EZH1: variants seen among roughly 807,000 people sequenced by gnomAD.
EZH1 encodes enhancer of zeste 1 polycomb repressive complex 2 subunit, also known as histone-lysine N-methyltransferase EZH1.
EZH1 carries 33 observed loss-of-function variants against 100.5 expected under a neutral mutation model. That is an observed-to-expected ratio of 0.33 (90% CI 0.25 to 0.44). The LOEUF is 0.44. Ranked by LOEUF, EZH1 falls within the 20% of genes least tolerant of loss-of-function variation. The probability of loss-of-function intolerance (pLI) is 1.00; values close to 1 mark genes in which losing one functional copy is unlikely to be tolerated. For synonymous variants in EZH1, 272 were observed against 313.8 expected (o/e 0.87, Z 1.41); for missense variants, 475 against 928.4 (o/e 0.51, Z 6.35).
chr17:42,723,162 G>C (rs376572650), intron 5 of EZH1, among the ~76,000 whole-genome samples: 3 of 152,162 alleles, frequency 2.0e-5, no homozygotes, highest in Non-Finnish European at 4.4e-5. Context: ...GGATCATGAG[G>C]TCAGGAGATC....
intron 7 of EZH1, among the ~76,000 whole-genome samples, chr17:42,719,772 A>G (rs1367535058): frequency 6.6e-6 from 1 of 152,128 alleles, no homozygotes; most frequent in Non-Finnish European, 1.5e-5. Context: ...AAAAATAAAA[A>G]TAAGAATTTG....
chr17:42,706,155 T>C lies in EZH1; in HGVS notation c.1691A>G (p.Lys564Arg). Residue 564 changes from lysine (K) to arginine (R), a missense_variant, in exon 16 of 21, where the codon AAG (lysine) becomes AGG (arginine). Coordinates refer to ENST00000428826, the MANE Select transcript of EZH1 (RefSeq NM_001991.5). This position sits in a 1 kb window ranked among gnomAD's most constrained non-coding sequence, Gnocchi z 4.4. ...ACATTGCTTGGTATTGCACTGGGTC[T>C]TACAGCGACAGCCAGGGAAACGATT... Reference protein sequence around the residue: ...CQNRFPGCRCKTQCNTKQCPC... With the variant: ...CQNRFPGCRCRTQCNTKQCPC... The C allele has an allele frequency of 6.2e-7, 1 of 1,612,538 alleles. No homozygotes were observed. The highest frequency in any genetic ancestry group is 8.5e-7 in the Non-Finnish European group (1 of 1,179,088).
chr17:42,712,780 G>A (rs1232034483), intron 11 of EZH1, among the ~76,000 whole-genome samples: 3 of 152,202 alleles, frequency 2.0e-5, no homozygotes, highest in Admixed American at 6.5e-5. Flanking sequence ...GCTCACGCCT[G>A]TAATCCCAGC....
At chr17:42,704,820 G>A in intron 17 of EZH1, 137 bp from the exon 18 acceptor site, 1 of 728,118 alleles carries the variant, frequency 1.4e-6, no homozygotes, top group East Asian at 2.7e-5. Flanking sequence ...AAGAGAGCAA[G>A]TTCAAGTTAT....
intron 1 of EZH1, among the ~76,000 whole-genome samples, chr17:42,741,939 C>T (rs1408529342): frequency 3.3e-5 from 5 of 152,116 alleles, no homozygotes; most frequent in South Asian, 2.1e-4. Flanking sequence ...GATTCGCCCA[C>T]CTCGGCCTCC....
Position 42,712,576 on chromosome 17 carries a change from T to C in EZH1, c.1205-91A>G, listed in dbSNP as rs931356406. On this transcript the variant is annotated intron_variant, in intron 11 of 20. Coordinates refer to ENST00000428826, the MANE Select transcript of EZH1 (RefSeq NM_001991.5). Reference sequence around the variant, plus strand: ...CAAACTCAGAAGTACTTCATTCTACTTTAAAAGGTAGAACAGTTAGGAATG... The same window carrying C: ...CAAACTCAGAAGTACTTCATTCTACCTTAAAAGGTAGAACAGTTAGGAATG... The C allele has an allele frequency of 3.2e-6, 4 of 1,237,152 alleles. No homozygotes were observed. In the African/African-American group the frequency reaches 4.5e-5, roughly 14 times the overall value. The allele number at this position is 1,237,152 out of a possible 1,614,324, so 76.6% of individuals were successfully genotyped here.
chr17:42,737,355 C>A (rs183382187), intron 1 of EZH1, among the ~76,000 whole-genome samples: 1 of 152,206 alleles, frequency 6.6e-6, no homozygotes, highest in Admixed American at 6.6e-5. Flanking sequence ...AATTCCAACA[C>A]TTTTGGAGGC....
chr17:42,702,227 C>T lies in EZH1; in HGVS notation c.*305G>A, dbSNP rs755859570. 2 of 313,652 alleles carry T rather than the reference C, an allele frequency of 6.4e-6. No homozygotes were observed. The highest frequency in any genetic ancestry group is 1.2e-5 in the Non-Finnish European group (2 of 169,532). The allele number at this position is 313,652 out of a possible 1,614,324, so 19.4% of individuals were successfully genotyped here. A position where few individuals can be genotyped will look rare whatever the true frequency, so the allele number is the denominator to read the frequency against. ...TTCCTGAGGCCACAGCCTGGGGAGC[C>T]GACACGAAATCACGCATAAGTCATC... On this transcript the variant is annotated 3_prime_UTR_variant, in exon 21 of 21. Coordinates refer to ENST00000428826, the MANE Select transcript of EZH1 (RefSeq NM_001991.5).
intron 2 of EZH1, among the ~76,000 whole-genome samples, chr17:42,729,557 C>T (rs1262060584): frequency 2.8e-5 from 4 of 145,320 alleles, no homozygotes; most frequent in Non-Finnish European, 4.5e-5. Context: ...AGTGAAACCC[C>T]GTCTCTACTA....
intron 1 of EZH1, among the ~76,000 whole-genome samples, chr17:42,743,492 G>A (rs959906093): frequency 1.3e-5 from 2 of 148,732 alleles, no homozygotes; most frequent in African/African-American, 5.0e-5. Context: ...TCTTGAGACA[G>A]GGTCTCAGGT....
At chr17:42,722,497 C>T (rs1042224620) in intron 6 of EZH1, among the ~76,000 whole-genome samples, 1 of 151,592 alleles carries the variant, frequency 6.6e-6, no homozygotes, top group Non-Finnish European at 1.5e-5. Context: ...TGGTGGCAGA[C>T]ACCTGTAGTC....
rs376951662 is a variant in EZH1, at chr17:42,702,497, C to T, written c.*35G>A. 3.4e-5 allele frequency: 52 copies of T among 1,519,590 alleles called. No individual in the cohort carries two copies. Among genetic ancestry groups the T allele is most frequent in the Middle Eastern group, 1.7e-4 (1 of 5,870 alleles). The allele number at this position is 1,519,590 out of a possible 1,614,324, so 94.1% of individuals were successfully genotyped here. On this transcript the variant is annotated 3_prime_UTR_variant, in exon 21 of 21. Transcript: ENST00000428826. ...GTGAGCACGAAAGCCAAGACAGTGC[C>T]GCTACCATAAGTGCTGCCGTGGGGC...
At position 42,712,355 on chromosome 17, in the gene EZH1, G is replaced by A; in HGVS notation, c.1335C>T (p.Phe445=). The A allele has an allele frequency of 6.2e-7, 1 of 1,614,162 alleles. No individual in the cohort carries two copies. The highest frequency in any genetic ancestry group is 1.7e-5 in the Admixed American group (1 of 60,020). ...TGAEESLFRV[F]HGTYFNNFCS... ...AGAAGTTGTTGAAGTAGGTGCCATGGAAGACTCGAAAAAGAGATTCTTCAG... is the reference window on the plus strand; with the variant it reads ...AGAAGTTGTTGAAGTAGGTGCCATGAAAGACTCGAAAAAGAGATTCTTCAG... The change falls in exon 12 of 21, where the codon TTC becomes TTT. Residue 445 remains phenylalanine (F), a synonymous_variant. Coordinates refer to ENST00000428826, the MANE Select transcript of EZH1 (RefSeq NM_001991.5).
Position 42,709,830 on chromosome 17 carries a change from G to C in EZH1, c.1493+16C>G. 1.2e-6 allele frequency: 2 copies of C among 1,612,758 alleles called. No homozygotes were observed. Among genetic ancestry groups the C allele is most frequent in the Non-Finnish European group, 1.7e-6 (2 of 1,178,764 alleles). On this transcript the variant is annotated intron_variant, in intron 13 of 20. Transcript: ENST00000428826. ...GCCTGGCTGTAAAACAAAACACTTT[G>C]TCCAACCCTTCTTGCCTGTGCTTTC...
At chr17:42,705,218 G>A in intron 16 of EZH1, 35 bp from the exon 17 acceptor site, 1 of 1,358,682 alleles carries the variant, frequency 7.4e-7, no homozygotes, top group Non-Finnish European at 1.0e-6. Context: ...AGACTACAGG[G>A]TGTGCATGAG....
intron 2 of EZH1, 76 bp from the exon 3 acceptor site, chr17:42,729,028 A>G: frequency 4.4e-6 from 6 of 1,377,376 alleles, no homozygotes; most frequent in Non-Finnish European, 4.9e-6. Context: ...AAAAAAAAAA[A>G]AGATCAATTA....
rs1162939970 is a variant in EZH1, at chr17:42,719,275, TTTTTTCCTTTTG to T, written c.665-80_665-69del. ...AACACGTAAACAAATCTGTGTGATCTTTTTTCCTTTTGTCATAGCATTTTGATTACAGCTGCT... is the reference window on the plus strand; with the variant it reads ...AACACGTAAACAAATCTGTGTGATCTTCATAGCATTTTGATTACAGCTGCT... On this transcript the variant is annotated intron_variant, in intron 7 of 20. Coordinates refer to ENST00000428826, the MANE Select transcript of EZH1 (RefSeq NM_001991.5). The T allele has an allele frequency of 1.9e-5, 23 of 1,223,728 alleles. No homozygotes were observed. The African/African-American group carries it at 2.8e-4, about 15-fold the overall frequency. The allele number at this position is 1,223,728 out of a possible 1,614,324, so 75.8% of individuals were successfully genotyped here.
At chr17:42,740,935 A>G (rs2054164655) in intron 1 of EZH1, among the ~76,000 whole-genome samples, 1 of 152,234 alleles carries the variant, frequency 6.6e-6, no homozygotes, top group African/African-American at 2.4e-5. Context: ...TGACTGATAG[A>G]CTAAGGAGTA....
At chr17:42,717,200 T>G (rs1426990252) in intron 10 of EZH1, among the ~76,000 whole-genome samples, 3 of 152,172 alleles carry the variant, frequency 2.0e-5, no homozygotes, top group African/African-American at 7.2e-5. Context: ...ACTTGGCACA[T>G]AGGAAGGAGT....
Sources: gnomAD v4.1 joint callset for allele counts (sites outside exome capture counted in the v4.1 genomes callset) on GRCh38, gnomAD v4.1.1 for gene constraint, Gnocchi (gnomAD v3.1) non-coding constraint, MANE v1.5 for transcripts, NCBI Gene and HGNC (gene_info 2026-07-23, HGNC 2026-07-21) for gene names.